Variants in CREB1 observed in about 807,000 individuals in gnomAD.
The protein encoded by CREB1 is cAMP responsive element binding protein 1, also known as cyclic AMP-responsive element-binding protein 1.
A neutral mutation model predicts 42.0 loss-of-function variants in CREB1; 2 were observed. The ratio of observed to expected loss-of-function variants is 0.05; its 90% CI spans 0.02 to 0.15. The LOEUF (loss-of-function observed/expected upper bound fraction) is 0.15, where lower values mean the gene tolerates loss of function less well. Among genes scored for constraint, CREB1 ranks in the 10% least tolerant of loss-of-function variants. The pLI is 1.00. For synonymous variants in CREB1, 123 were observed against 139.9 expected (o/e 0.88, Z 0.85); for missense variants, 199 against 388.9 (o/e 0.51, Z 4.11).
At position 207,575,833 on chromosome 2, in the gene CREB1, G is replaced by A. The variant is rs1219234708; in HGVS notation, c.688+379G>A. 2.2e-5 allele frequency among the ~76,000 whole-genome samples: 3 copies of A among 135,232 alleles called. No individual in the cohort carries two copies. The Admixed American group carries it at 2.5e-4, about 11-fold the overall frequency. The allele number at this position is 135,232 out of a possible 152,430, so 88.7% of individuals were successfully genotyped here. A position where few individuals can be genotyped will look rare whatever the true frequency, so the allele number is the denominator to read the frequency against. On this transcript the variant is annotated intron_variant, in intron 6 of 7. Transcript: ENST00000353267. ...GCTCTGAGCCTCAGGAAAGTGTTTT[G>A]TTTTTTGTTGTTGTTGTTTTTGTTT...
intron 1 of CREB1, chr2:207,550,574 G>A (rs1038068044): frequency 4.6e-5 from 7 of 152,026 alleles, no homozygotes; most frequent in Non-Finnish European, 1.0e-4. Context: ...CTTCCTAAAG[G>A]TCAAAATATT....
Position 207,597,849 on chromosome 2 carries a change from C to G in CREB1, c.*791C>G, listed in dbSNP as rs1297272747. On this transcript the variant is annotated 3_prime_UTR_variant, in exon 8 of 8. Coordinates refer to ENST00000353267, the MANE Select transcript of CREB1 (RefSeq NM_004379.5). ...AAGCAAAGTAAATAAAAGTACAAAGCATATTTTAGTTAGTACTAAATTCTT... is the reference window on the plus strand; with the variant it reads ...AAGCAAAGTAAATAAAAGTACAAAGGATATTTTAGTTAGTACTAAATTCTT... The G allele has an allele frequency of 5.2e-6, 1 of 192,112 alleles. No homozygotes were observed. Among genetic ancestry groups the G allele is most frequent in the Non-Finnish European group, 1.1e-5 (1 of 92,058 alleles). 11.9% of individuals were successfully genotyped at this position (192,112 alleles called of 1,614,324 possible). A position where few individuals can be genotyped will look rare whatever the true frequency, so the allele number is the denominator to read the frequency against.
At chr2:207,585,112 C>G (rs2083587901) in intron 7 of CREB1, among the ~76,000 whole-genome samples, 1 of 152,152 alleles carries the variant, frequency 6.6e-6, no homozygotes, top group South Asian at 2.1e-4. Flanking sequence ...TGTCTGGAAT[C>G]ATGAAGGCCA....
rs571703922 is a variant in CREB1 at position 207,533,366 on chromosome 2, C to G, written c.-9+3232C>G. Reference sequence around the variant, plus strand: ...CATAGAGAAGTAGCTTTATTTCTCTCTCATTCTAAGACATTTGGTTTTGTT... The same window carrying G: ...CATAGAGAAGTAGCTTTATTTCTCTGTCATTCTAAGACATTTGGTTTTGTT... On this transcript the variant is annotated intron_variant, in intron 1 of 7. Transcript: ENST00000353267. Among the ~76,000 whole-genome samples, 223 of 152,212 alleles carry G rather than the reference C, an allele frequency of 1.5e-3. 5 individuals are homozygous for G. The South Asian group carries it at 0.044, about 30-fold the overall frequency.
intron 1 of CREB1, among the ~76,000 whole-genome samples, chr2:207,540,784 T>C (rs533605761): frequency 6.6e-6 from 1 of 151,812 alleles, no homozygotes. Flanking sequence ...AATATTTTTA[T>C]ACAGCTGTAC....
At chr2:207,554,933 G>C (rs966890848) in intron 1 of CREB1, among the ~76,000 whole-genome samples, 10 of 152,036 alleles carry the variant, frequency 6.6e-5, no homozygotes, top group Non-Finnish European at 1.5e-4. Flanking sequence ...ACCTGGTATG[G>C]TGCAATGCAC....
intron 7 of CREB1, 46 bp downstream of exon 7, chr2:207,577,701 T>G (rs750760460): frequency 3.5e-5 from 56 of 1,603,252 alleles, no homozygotes; most frequent in Non-Finnish European, 4.7e-5. Flanking sequence ...TAAGTGTGTC[T>G]TCACATTCTG....
intron 1 of CREB1, among the ~76,000 whole-genome samples, chr2:207,545,805 C>T (rs1249110160): frequency 1.3e-5 from 2 of 150,682 alleles, no homozygotes; most frequent in African/African-American, 4.9e-5. Flanking sequence ...GCAATCTCGG[C>T]TCACTGCAAC....
intron 1 of CREB1, among the ~76,000 whole-genome samples, chr2:207,543,761 C>T (rs1191350843): frequency 2.6e-5 from 4 of 151,938 alleles, no homozygotes; most frequent in African/African-American, 9.7e-5. Flanking sequence ...TGCCACCACA[C>T]CCAGCTAATT....
chr2:207,555,496 T>C (rs1034613709), intron 1 of CREB1, 132 bp from the exon 2 acceptor site: 1 of 531,552 alleles, frequency 1.9e-6, no homozygotes, highest in African/African-American at 1.9e-5. Flanking sequence ...CATTATATTT[T>C]AGCTAGATTT....
chr2:207,531,149 C>T (rs1406962817), intron 1 of CREB1, among the ~76,000 whole-genome samples: 1 of 152,132 alleles, frequency 6.6e-6, no homozygotes, highest in Non-Finnish European at 1.5e-5. Flanking sequence ...TGAGATCTAT[C>T]ATTCTGAAAC....
chr2:207,561,173 T>A lies in CREB1; in HGVS notation c.261+801T>A, dbSNP rs775307643. The A allele has an allele frequency of 2.5e-6, 4 of 1,606,616 alleles. No homozygotes were observed. In the South Asian group the frequency reaches 4.4e-5, roughly 18 times the overall value. ...CTCCGGAACACAGGTGAGTCCTAGGTCCTAGATTTGGAGAGAACTATTATT... is the reference window on the plus strand; with the variant it reads ...CTCCGGAACACAGGTGAGTCCTAGGACCTAGATTTGGAGAGAACTATTATT... On this transcript the variant is annotated intron_variant, in intron 3 of 7. Coordinates refer to ENST00000353267, the MANE Select transcript of CREB1 (RefSeq NM_004379.5).
At position 207,602,935 on chromosome 2, in the gene CREB1, G is replaced by C. The variant is rs1228800417; in HGVS notation, c.*5877G>C. On this transcript the variant is annotated 3_prime_UTR_variant, in exon 8 of 8. Transcript: ENST00000353267. ...TATTTCTAACCCAGATGTATCACTT[G>C]AAACTTTTTAGAAGCAAAATAATCA... is the stretch of plus-strand genomic sequence containing the variant. 4.6e-6 allele frequency: 1 copy of C among 215,874 alleles called. No individual in the cohort carries two copies. Among genetic ancestry groups the C allele is most frequent in the Admixed American group, 5.8e-5 (1 of 17,148 alleles). 13.4% of individuals were successfully genotyped at this position (215,874 alleles called of 1,614,324 possible). A position where few individuals can be genotyped will look rare whatever the true frequency, so the allele number is the denominator to read the frequency against.
chr2:207,551,561 A>G (rs2081504145), intron 1 of CREB1, among the ~76,000 whole-genome samples: 1 of 152,226 alleles, frequency 6.6e-6, no homozygotes, highest in South Asian at 2.1e-4. Context: ...ATGGTTATAC[A>G]GATGGATGGG....
chr2:207,554,196 G>A (rs1176327168), intron 1 of CREB1, among the ~76,000 whole-genome samples: 2 of 151,948 alleles, frequency 1.3e-5, no homozygotes, highest in Non-Finnish European at 2.9e-5. Flanking sequence ...GTGGATTTTG[G>A]TATTTCCAAA....
intron 7 of CREB1, among the ~76,000 whole-genome samples, chr2:207,595,196 A>G (rs1218133999): frequency 1.3e-5 from 2 of 151,338 alleles, no homozygotes; most frequent in East Asian, 2.0e-4. Flanking sequence ...GAGTTTCACC[A>G]TGTTGGCCAG....
chr2:207,584,404 A>C (rs1175074089), intron 7 of CREB1, among the ~76,000 whole-genome samples: 1 of 149,994 alleles, frequency 6.7e-6, no homozygotes, highest in Non-Finnish European at 1.5e-5. Context: ...TTCACTAGTG[A>C]CTTTTTTTTT....
In CREB1 at chr2:207,603,916, AAGC is replaced by A. The variant is rs2087586165; in HGVS notation, c.*6862_*6864del. On this transcript the variant is annotated 3_prime_UTR_variant, in exon 8 of 8. Coordinates refer to ENST00000353267, the MANE Select transcript of CREB1 (RefSeq NM_004379.5). Reference sequence around the variant, plus strand: ...GTTCTGAGACGAGACATCTGAAAATAAGCAGCTGCATTATTTGTATGTTTCTTC... The same window carrying A: ...GTTCTGAGACGAGACATCTGAAAATAAGCTGCATTATTTGTATGTTTCTTC... Among the ~76,000 whole-genome samples the A allele has an allele frequency of 6.6e-6, 1 of 152,208 alleles. No homozygotes were observed. Among genetic ancestry groups the A allele is most frequent in the African/African-American group, 2.4e-5 (1 of 41,458 alleles).
intron 5 of CREB1, among the ~76,000 whole-genome samples, chr2:207,575,060 TA>T (rs1282843364): frequency 1.3e-5 from 2 of 152,240 alleles, no homozygotes; most frequent in African/African-American, 4.8e-5. Flanking sequence ...TATTATAAAT[TA>T]GAATGCAGTT....
Sources: gnomAD v4.1 joint callset for allele counts (sites outside exome capture counted in the v4.1 genomes callset) on GRCh38, gnomAD v4.1.1 for gene constraint, MANE v1.5 for transcripts, NCBI Gene and HGNC (gene_info 2026-07-23, HGNC 2026-07-21) for gene names.